DR1: variants seen among roughly 807,000 people sequenced by gnomAD.
The protein encoded by DR1 is down-regulator of transcription 1, also known as protein Dr1.
In DR1, 7 loss-of-function variants were observed where a neutral mutation model predicts 19.9. The ratio of observed to expected loss-of-function variants is 0.35; its 90% CI spans 0.20 to 0.66. The LOEUF is 0.66. DR1 is among the 30% of genes least tolerant of loss of function. DR1 has a pLI of 0.66. For synonymous variants in DR1, 76 were observed against 72.5 expected (o/e 1.05, Z -0.24); for missense variants, 98 against 203.7 (o/e 0.48, Z 3.16).
rs1667069864 is a variant in DR1 at position 93,362,551 on chromosome 1, G to A, written c.*1912G>A. 6.6e-6 allele frequency: 1 copy of A among 150,496 alleles called. No individual in the cohort carries two copies. The highest frequency in any genetic ancestry group is 2.1e-4 in the South Asian group (1 of 4,786). The allele number at this position is 150,496 out of a possible 1,614,324, so 9.3% of individuals were successfully genotyped here. ...TTTTGACATTCTTGTGATTTCATAT[G>A]CTGTATTCTTCAAGCAATAAAATTG... On this transcript the variant is annotated 3_prime_UTR_variant, in exon 3 of 3. Coordinates refer to ENST00000370272, the MANE Select transcript of DR1 (RefSeq NM_001938.3).
rs1202233521 is a variant in DR1, at chr1:93,363,307, C to A, written c.*2668C>A. 1 of 152,008 alleles carries A rather than the reference C, an allele frequency of 6.6e-6. No individual in the cohort carries two copies. Among genetic ancestry groups the A allele is most frequent in the Non-Finnish European group, 1.5e-5 (1 of 68,004 alleles). 9.4% of individuals were successfully genotyped at this position (152,008 alleles called of 1,614,324 possible). A position where few individuals can be genotyped will look rare whatever the true frequency, so the allele number is the denominator to read the frequency against. On this transcript the variant is annotated 3_prime_UTR_variant, in exon 3 of 3. Coordinates refer to ENST00000370272, the MANE Select transcript of DR1 (RefSeq NM_001938.3). ...ACATAATACACTTTTTTTCATTCAT[C>A]ATTTTTGTGAATATTTTAGTTTCTT...
Position 93,346,239 on chromosome 1 carries a change from A to C in DR1, c.-407A>C. The C allele has an allele frequency of 4.2e-6, 1 of 237,494 alleles. No individual in the cohort carries two copies. Among genetic ancestry groups the C allele is most frequent in the Non-Finnish European group, 8.5e-6 (1 of 118,274 alleles). 14.7% of individuals were successfully genotyped at this position (237,494 alleles called of 1,614,324 possible). A position where few individuals can be genotyped will look rare whatever the true frequency, so the allele number is the denominator to read the frequency against. Reference sequence around the variant, plus strand: ...CTCTATAGAGCCGAGCCCGCTGGGTACCCGCCCGGTACCGCGGCGAGGCCA... The same window carrying C: ...CTCTATAGAGCCGAGCCCGCTGGGTCCCCGCCCGGTACCGCGGCGAGGCCA... On this transcript the variant is annotated 5_prime_UTR_variant, in exon 1 of 3. Coordinates refer to ENST00000370272, the MANE Select transcript of DR1 (RefSeq NM_001938.3).
chr1:93,369,226 C>T lies in DR1; in HGVS notation c.*8587C>T, dbSNP rs1003175932. On this transcript the variant is annotated 3_prime_UTR_variant, in exon 3 of 3. Coordinates refer to ENST00000370272, the MANE Select transcript of DR1 (RefSeq NM_001938.3). ...GAAAACTATTTTTCTTCCACTAGAA[C>T]TTTTTTCCCCAAAAATACTCTGGAA... 1.3e-5 allele frequency: 2 copies of T among 152,014 alleles called. No homozygotes were observed. The highest frequency in any genetic ancestry group is 2.4e-5 in the African/African-American group (1 of 41,392). The allele number at this position is 152,014 out of a possible 1,614,324, so 9.4% of individuals were successfully genotyped here.
chr1:93,368,457 AGTATGT>A lies in DR1; in HGVS notation c.*7819_*7824del, dbSNP rs1445014780. On this transcript the variant is annotated 3_prime_UTR_variant, in exon 3 of 3. Transcript: ENST00000370272. Reference sequence around the variant, plus strand: ...TGGAAGGAGAGAGATAGTATTAGAAAGTATGTATGCAGCAAAGGATGGAGAAACTGT... The same window carrying A: ...TGGAAGGAGAGAGATAGTATTAGAAAATGCAGCAAAGGATGGAGAAACTGT... 1 of 152,224 alleles carries A rather than the reference AGTATGT, an allele frequency of 6.6e-6. No homozygotes were observed. The highest frequency in any genetic ancestry group is 1.5e-5 in the Non-Finnish European group (1 of 68,036). The allele number at this position is 152,224 out of a possible 1,614,324, so 9.4% of individuals were successfully genotyped here.
At chr1:93,349,445 T>C (rs1445900781) in intron 1 of DR1, among the ~76,000 whole-genome samples, 1 of 152,118 alleles carries the variant, frequency 6.6e-6, no homozygotes, top group Non-Finnish European at 1.5e-5. Flanking sequence ...ATAGAAAGAA[T>C]TGACATTGAG....
chr1:93,355,544 C>A (rs1666970108), intron 2 of DR1: 1 of 152,180 alleles, frequency 6.6e-6, no homozygotes, highest in South Asian at 2.1e-4. Flanking sequence ...GATGCTCTAG[C>A]CTCCATTTTA....
intron 2 of DR1, among the ~76,000 whole-genome samples, chr1:93,358,139 A>C (rs1667012106): frequency 6.6e-6 from 1 of 152,162 alleles, no homozygotes; most frequent in Non-Finnish European, 1.5e-5. Context: ...GGAAGAAGGA[A>C]AGAGAAAGAA....
intron 1 of DR1, among the ~76,000 whole-genome samples, chr1:93,352,274 G>A (rs1426174141): frequency 1.3e-5 from 2 of 152,154 alleles, no homozygotes; most frequent in Non-Finnish European, 2.9e-5. Flanking sequence ...GTTTCACCCT[G>A]TTAGCCAGGA....
Position 93,345,944 on chromosome 1 carries a change from C to G in DR1, c.-702C>G, listed in dbSNP as rs1342787318. 6.5e-6 allele frequency: 1 copy of G among 152,718 alleles called. No homozygotes were observed. The highest frequency in any genetic ancestry group is 1.9e-4 in the East Asian group (1 of 5,192). The allele number at this position is 152,718 out of a possible 1,614,324, so 9.5% of individuals were successfully genotyped here. The stretch of plus-strand genomic sequence containing the variant: ...GGGAGCGGCTTCCTGCAAACCTTCC[C>G]TGGCATCTGGAGGGACCACCGTTGC... On this transcript the variant is annotated 5_prime_UTR_variant, in exon 1 of 3. Transcript: ENST00000370272.
Position 93,346,269 on chromosome 1 carries a change from C to T in DR1, c.-377C>T, listed in dbSNP as rs1039600379. On this transcript the variant is annotated 5_prime_UTR_variant, in exon 1 of 3. Coordinates refer to ENST00000370272, the MANE Select transcript of DR1 (RefSeq NM_001938.3). The stretch of plus-strand genomic sequence containing the variant: ...CCCGGTACCGCGGCGAGGCCAGTGC[C>T]CCTGGATCTTGCCTCTGCTCCGACG... 7 of 287,796 alleles carry T rather than the reference C, an allele frequency of 2.4e-5. No individual in the cohort carries two copies. The highest frequency in any genetic ancestry group is 4.1e-5 in the Non-Finnish European group (6 of 147,352). The allele number at this position is 287,796 out of a possible 1,614,324, so 17.8% of individuals were successfully genotyped here.
rs907935560 is a variant in DR1 at position 93,366,677 on chromosome 1, A to G, written c.*6038A>G. ...TCTAAAATTAAACATTGAGATTAATATGAGCTTTATATACATTTAAAAAGG... is the reference window on the plus strand; with the variant it reads ...TCTAAAATTAAACATTGAGATTAATGTGAGCTTTATATACATTTAAAAAGG... On this transcript the variant is annotated 3_prime_UTR_variant, in exon 3 of 3. Transcript: ENST00000370272. 6 of 152,230 alleles carry G rather than the reference A, an allele frequency of 3.9e-5. No individual in the cohort carries two copies. Among genetic ancestry groups the G allele is most frequent in the African/African-American group, 1.2e-4 (5 of 41,468 alleles). 9.4% of individuals were successfully genotyped at this position (152,230 alleles called of 1,614,324 possible). A position where few individuals can be genotyped will look rare whatever the true frequency, so the allele number is the denominator to read the frequency against.
intron 1 of DR1, among the ~76,000 whole-genome samples, chr1:93,350,954 C>T (rs1179007733): frequency 5.3e-5 from 8 of 152,156 alleles, no homozygotes; most frequent in Admixed American, 2.6e-4. Flanking sequence ...AAAAGTATCA[C>T]AGTAAACATA....
Position 93,346,510 on chromosome 1 carries a change from T to C in DR1, c.-136T>C. The C allele has an allele frequency of 1.5e-6, 1 of 662,344 alleles. No homozygotes were observed. Among genetic ancestry groups the C allele is most frequent in the Middle Eastern group, 4.1e-4 (1 of 2,422 alleles). The allele number at this position is 662,344 out of a possible 1,614,324, so 41.0% of individuals were successfully genotyped here. A position where few individuals can be genotyped will look rare whatever the true frequency, so the allele number is the denominator to read the frequency against. ...GCCCTCAAGCCAGCTGCTCCTCCGT[T>C]CATTTTCTGCACCCTCTTCGCAAAG... On this transcript the variant is annotated 5_prime_UTR_variant, in exon 1 of 3. Transcript: ENST00000370272.
intron 1 of DR1, among the ~76,000 whole-genome samples, chr1:93,350,188 C>T (rs915896773): frequency 6.6e-6 from 1 of 151,868 alleles, no homozygotes; most frequent in Non-Finnish European, 1.5e-5. Context: ...TGAATACTAC[C>T]AATTATTTGG....
At chr1:93,352,369 C>G (rs1172754508) in intron 1 of DR1, among the ~76,000 whole-genome samples, 1 of 152,166 alleles carries the variant, frequency 6.6e-6, no homozygotes, top group Non-Finnish European at 1.5e-5. Flanking sequence ...CGTGCCTGGC[C>G]ATGTTGGTGA....
intron 2 of DR1, among the ~76,000 whole-genome samples, chr1:93,359,616 T>G (rs1667030417): frequency 6.6e-6 from 1 of 152,180 alleles, no homozygotes; most frequent in African/African-American, 2.4e-5. Context: ...AAGGATTGTT[T>G]TGGCAGAGTC....
rs1325862895 is a variant in DR1 at position 93,369,132 on chromosome 1, A to G, written c.*8493A>G. 6.6e-6 allele frequency: 1 copy of G among 152,150 alleles called. No individual in the cohort carries two copies. The highest frequency in any genetic ancestry group is 1.5e-5 in the Non-Finnish European group (1 of 68,008). 9.4% of individuals were successfully genotyped at this position (152,150 alleles called of 1,614,324 possible). On this transcript the variant is annotated 3_prime_UTR_variant, in exon 3 of 3. Coordinates refer to ENST00000370272, the MANE Select transcript of DR1 (RefSeq NM_001938.3). ...ATCCTGGAACCAATCCCTGGCGGAT[A>G]CCAAGGGATGACTGTAATATAATAA...
In DR1 at chr1:93,354,124, T is replaced by A. The variant is rs974190815; in HGVS notation, c.384+53T>A. The A allele has an allele frequency of 3.3e-6, 5 of 1,532,378 alleles. No homozygotes were observed. In the Admixed American group the frequency reaches 9.3e-5, roughly 28 times the overall value. 94.9% of individuals were successfully genotyped at this position (1,532,378 alleles called of 1,614,324 possible). On this transcript the variant is annotated intron_variant, in intron 2 of 2. Coordinates refer to ENST00000370272, the MANE Select transcript of DR1 (RefSeq NM_001938.3). Reference sequence around the variant, plus strand: ...TCTGAATCCTACCCTGTTTGCTAACTGAAATTGCTTCCTAAATTAACAGAC... The same window carrying A: ...TCTGAATCCTACCCTGTTTGCTAACAGAAATTGCTTCCTAAATTAACAGAC...
chr1:93,359,057 A>C (rs1013266890), intron 2 of DR1, among the ~76,000 whole-genome samples: 10 of 152,230 alleles, frequency 6.6e-5, no homozygotes, highest in African/African-American at 2.4e-4. Context: ...ACAAAAAAAG[A>C]CTATAGAGAG....
Sources: allele counts gnomAD v4.1 joint callset (sites outside exome capture counted in the v4.1 genomes callset), GRCh38; gene constraint gnomAD v4.1.1; transcripts MANE v1.5; gene names NCBI Gene and HGNC (gene_info 2026-07-23, HGNC 2026-07-21).